CCDC180: variants seen among roughly 807,000 people sequenced by gnomAD.
The protein encoded by CCDC180 is coiled-coil domain containing 180.
A neutral mutation model predicts 209.2 loss-of-function variants in CCDC180; 154 were observed. That is an observed-to-expected ratio of 0.74 (90% confidence interval 0.65 to 0.84). The LOEUF (loss-of-function observed/expected upper bound fraction) is 0.84, where lower values mean the gene tolerates loss of function less well. Among genes scored for constraint, CCDC180 ranks in the 40% least tolerant of loss-of-function variants. The probability of loss-of-function intolerance (pLI) is 0.00; values close to 1 mark genes in which losing one functional copy is unlikely to be tolerated. For synonymous variants in CCDC180, 778 were observed against 749.1 expected, an observed-to-expected ratio of 1.04 and a Z score of -0.63; for missense variants, 1,874 against 1,997.3, an observed-to-expected ratio of 0.94 and a Z score of 1.18.
chr9:97,341,865 T>C (rs927514391), intron 18 of CCDC180, among the ~76,000 whole-genome samples: 1 of 152,214 alleles, frequency 6.6e-6, no homozygotes, highest in Non-Finnish European at 1.5e-5. Flanking sequence ...CCGCTTTGTT[T>C]ACCTACTCAA....
intron 14 of CCDC180, among the ~76,000 whole-genome samples, chr9:97,325,504 G>A (rs989015366): frequency 1.3e-5 from 2 of 152,180 alleles, no homozygotes; most frequent in South Asian, 2.1e-4. Context: ...AAGAGGGGGA[G>A]AATAACATGA....
At position 97,330,463 on chromosome 9, in the gene CCDC180, A is replaced by G; in HGVS notation, c.1970A>G (p.Asn657Ser). 1 of 1,614,170 alleles carries G rather than the reference A, an allele frequency of 6.2e-7. No homozygotes were observed. The change falls in exon 18 of 37, where the codon AAC becomes AGC. Residue 657 changes from asparagine (N) to serine (S), a missense_variant. Physicochemically the swap from Asn to Ser is conservative, Grantham distance 46. Transcript: ENST00000529487. ...ARSVEEVEEE[N>S]DQEMESFITE... ...TCAGTAGAAGAGGTGGAAGAAGAAA[A>G]CGATCAAGAAATGGAGTCCTTCATA... is the stretch of plus-strand genomic sequence containing the variant.
intron 8 of CCDC180, 49 bp downstream of exon 8, chr9:97,314,995 A>G: frequency 6.9e-7 from 1 of 1,454,818 alleles, no homozygotes; most frequent in South Asian, 1.1e-5. Context: ...AAGGGGCAGG[A>G]CCAGGAACCC....
intron 29 of CCDC180, 25 bp from the exon 30 acceptor site, chr9:97,365,648 G>C (rs1250715982): frequency 6.2e-7 from 1 of 1,610,410 alleles, no homozygotes; most frequent in Non-Finnish European, 8.5e-7. Flanking sequence ...AGGCCCCTCA[G>C]GGATCTGTCT....
intron 25 of CCDC180, among the ~76,000 whole-genome samples, chr9:97,358,734 C>T (rs565549893): frequency 1.3e-5 from 2 of 152,282 alleles, no homozygotes; most frequent in East Asian, 3.9e-4. Flanking sequence ...GCCCAGGCCA[C>T]ACCAGGGAAC....
intron 27 of CCDC180, 112 bp downstream of exon 27, chr9:97,362,010 CT>C: frequency 1.4e-6 from 2 of 1,395,190 alleles, no homozygotes; most frequent in Non-Finnish European, 9.7e-7. Context: ...GAGTCCACCC[CT>C]GAGAGCCTGT....
chr9:97,367,040 T>G (rs1312636731), intron 31 of CCDC180, among the ~76,000 whole-genome samples: 1 of 152,194 alleles, frequency 6.6e-6, no homozygotes, highest in East Asian at 1.9e-4. Flanking sequence ...TTTTAGTTTA[T>G]TTACAGAGTT....
chr9:97,377,106 A>C lies in CCDC180; in HGVS notation c.*212A>C. 2.4e-6 allele frequency: 1 copy of C among 423,114 alleles called. No homozygotes were observed. Among genetic ancestry groups the C allele is most frequent in the Non-Finnish European group, 4.2e-6 (1 of 240,354 alleles). 26.2% of individuals were successfully genotyped at this position (423,114 alleles called of 1,614,324 possible). ...ATGAGGAAGGCAAGCATGAAAGGGGAATTCCACGTGGTTAGCAGGGAGGGT... is the reference window on the plus strand; with the variant it reads ...ATGAGGAAGGCAAGCATGAAAGGGGCATTCCACGTGGTTAGCAGGGAGGGT... On this transcript the variant is annotated 3_prime_UTR_variant, in exon 37 of 37. Coordinates refer to ENST00000529487, the MANE Select transcript of CCDC180 (RefSeq NM_020893.6).
At chr9:97,321,716 A>G (rs1346619782) in intron 11 of CCDC180, among the ~76,000 whole-genome samples, 2 of 152,190 alleles carry the variant, frequency 1.3e-5, no homozygotes, top group East Asian at 3.8e-4. Flanking sequence ...TGGAGAATGA[A>G]CAGGTCCCCA....
intron 18 of CCDC180, among the ~76,000 whole-genome samples, chr9:97,338,165 G>A (rs1825966650): frequency 1.3e-5 from 2 of 152,148 alleles, no homozygotes; most frequent in Non-Finnish European, 2.9e-5. Context: ...ATCTCCTTCA[G>A]TTCTGCTCTA....
chr9:97,329,937 T>G (rs1305496921), intron 16 of CCDC180, among the ~76,000 whole-genome samples: 1 of 151,878 alleles, frequency 6.6e-6, no homozygotes, highest in Non-Finnish European at 1.5e-5. Flanking sequence ...GCGTGGTGGC[T>G]GGCGCCTATA....
intron 36 of CCDC180, 188 bp downstream of exon 36, chr9:97,375,777 A>T (rs1179355927): frequency 1.5e-6 from 1 of 682,834 alleles, no homozygotes; most frequent in East Asian, 2.7e-5. Context: ...GAGGACATTA[A>T]TGTGGGTCTG....
Position 97,350,394 on chromosome 9 carries a change from C to T in CCDC180, c.2856-15C>T, listed in dbSNP as rs1467769506. On this transcript the variant is annotated splice_polypyrimidine_tract_variant and intron_variant, in intron 21 of 36. Coordinates refer to ENST00000529487, the MANE Select transcript of CCDC180 (RefSeq NM_020893.6). Reference sequence around the variant, plus strand: ...GTCCCCCATCACTGTCCTGTTCCTCCTCTGTCTCCCACAGGCTGGTCACTC... The same window carrying T: ...GTCCCCCATCACTGTCCTGTTCCTCTTCTGTCTCCCACAGGCTGGTCACTC... The T allele has an allele frequency of 1.3e-6, 2 of 1,534,802 alleles. No homozygotes were observed. Among genetic ancestry groups the T allele is most frequent in the South Asian group, 2.4e-5 (2 of 83,922 alleles).
chr9:97,321,835 G>C (rs1282498182), intron 11 of CCDC180, among the ~76,000 whole-genome samples: 1 of 152,184 alleles, frequency 6.6e-6, no homozygotes, highest in Non-Finnish European at 1.5e-5. Context: ...GAGTCAGCCA[G>C]GCCAAGAGGG....
At chr9:97,370,174 G>A in intron 32 of CCDC180, 92 bp downstream of exon 32, 1 of 1,393,734 alleles carries the variant, frequency 7.2e-7, no homozygotes, top group Non-Finnish European at 9.7e-7. Flanking sequence ...CCAAGTCCAA[G>A]GGAAGAAGGT....
intron 18 of CCDC180, among the ~76,000 whole-genome samples, chr9:97,339,973 G>A (rs750912406): frequency 7.2e-5 from 11 of 152,076 alleles, no homozygotes; most frequent in Non-Finnish European, 1.3e-4. Flanking sequence ...TTGCGCATGC[G>A]TCACGTAGTT....
intron 18 of CCDC180, among the ~76,000 whole-genome samples, chr9:97,342,323 T>G (rs1490809555): frequency 6.6e-6 from 1 of 152,234 alleles, no homozygotes; most frequent in Non-Finnish European, 1.5e-5. Context: ...ACCTCTAATT[T>G]TTGTATTTTT....
intron 18 of CCDC180, among the ~76,000 whole-genome samples, 171 bp from the exon 19 acceptor site, chr9:97,343,169 C>A (rs1423993367): frequency 6.6e-6 from 1 of 152,140 alleles, no homozygotes; most frequent in African/African-American, 2.4e-5. Flanking sequence ...TTGTGTAGAA[C>A]TTCCCAATTT....
intron 9 of CCDC180, among the ~76,000 whole-genome samples, chr9:97,318,184 C>T (rs1564148667): frequency 1.3e-5 from 2 of 152,184 alleles, no homozygotes; most frequent in Non-Finnish European, 2.9e-5. Context: ...AAATCTGAGC[C>T]TGCTGGTCTC....
Sources: allele counts gnomAD v4.1 joint callset (sites outside exome capture counted in the v4.1 genomes callset), GRCh38; gene constraint gnomAD v4.1.1; transcripts MANE v1.5; gene names NCBI Gene and HGNC (gene_info 2026-07-23, HGNC 2026-07-21).